BRCA2: variants seen among roughly 807,000 people sequenced by gnomAD.
BRCA2 encodes the protein breast cancer type 2 susceptibility protein.
In BRCA2, 203 loss-of-function variants were observed where a neutral mutation model predicts 276.7. The observed-to-expected ratio is 0.73, with a 90% CI of 0.65 to 0.82. The LOEUF is 0.82. BRCA2 is among the 40% of genes least tolerant of loss of function. The pLI, the probability that BRCA2 is intolerant of heterozygous loss-of-function variation, is 0.00. For missense variants in BRCA2, 3,920 were observed against 3,915.0 expected (o/e 1.00, Z -0.03); for synonymous variants, 1,289 against 1,338.4 (o/e 0.96, Z 0.81).
Position 32,379,849 on chromosome 13 carries a change from GTA to G in BRCA2, c.9054_9055del (p.Ser3018ArgfsTer3), listed in dbSNP as rs80359743. 2.5e-6 allele frequency: 4 copies of G among 1,613,660 alleles called. No individual in the cohort carries two copies. The highest frequency in any genetic ancestry group is 1.3e-5 in the African/African-American group (1 of 74,948). On this transcript the variant is annotated frameshift_variant, in exon 23 of 27. Transcript: ENST00000380152. LOFTEE classifies it high-confidence loss of function. Reference sequence around the variant, plus strand: ...CATCTTGCAACTTCAAAATCTAAAAGTAAATCTGAAAGAGCTAACATACAGTT... The same window carrying G: ...CATCTTGCAACTTCAAAATCTAAAAGAATCTGAAAGAGCTAACATACAGTT...
At chr13:32,347,237 A>G (rs2072618058) in intron 13 of BRCA2, among the ~76,000 whole-genome samples, 1 of 152,170 alleles carries the variant, frequency 6.6e-6, no homozygotes. Flanking sequence ...AACCTTTAAA[A>G]AAGTACTAAG....
At position 32,340,497 on chromosome 13, in the gene BRCA2, A is replaced by G; in HGVS notation, c.6142A>G (p.Asn2048Asp). The change falls in exon 11 of 27, where the codon AAT becomes GAT. Residue 2048 changes from asparagine to aspartate, a missense_variant. Physicochemically the swap from Asn to Asp is conservative, Grantham distance 23. This residue lies in a region of BRCA2 where 3,263 missense variants were observed against 3,156.9 expected (regional missense o/e 1.03). Coordinates refer to ENST00000380152, the MANE Select transcript of BRCA2 (RefSeq NM_000059.4). Reference sequence around the variant, plus strand: ...AATATCCCAAAAAGGCTTTTCATATAATGTGGTAAATTCATCTGCTTTCTC... The same window carrying G: ...AATATCCCAAAAAGGCTTTTCATATGATGTGGTAAATTCATCTGCTTTCTC... ...HLISQKGFSY[N>D]VVNSSAFSGF... is the part of the protein sequence containing the mutation. The G allele has an allele frequency of 6.2e-7, 1 of 1,613,676 alleles. No homozygotes were observed. Among genetic ancestry groups the G allele is most frequent in the Non-Finnish European group, 8.5e-7 (1 of 1,179,786 alleles).
At chr13:32,362,062 G>T (rs552462305) in intron 16 of BRCA2, among the ~76,000 whole-genome samples, 3 of 152,042 alleles carry the variant, frequency 2.0e-5, no homozygotes, top group Non-Finnish European at 2.9e-5. Context: ...TCTCACTCTT[G>T]TCCAGGCTGG....
intron 16 of BRCA2, among the ~76,000 whole-genome samples, chr13:32,361,197 G>A (rs2072735514): frequency 6.6e-6 from 1 of 152,218 alleles, no homozygotes; most frequent in African/African-American, 2.4e-5. Flanking sequence ...AATGCAGAAT[G>A]GGGTGTTGCA....
At chr13:32,331,784 A>G (rs1181800485) in intron 9 of BRCA2, among the ~76,000 whole-genome samples, 2 of 151,896 alleles carry the variant, frequency 1.3e-5, no homozygotes, top group Admixed American at 6.6e-5. Flanking sequence ...GTCATGGAAT[A>G]TTGCATTTTT....
chr13:32,395,562 T>C (rs74849726), intron 25 of BRCA2, among the ~76,000 whole-genome samples: 19 of 152,286 alleles, frequency 1.2e-4, no homozygotes, highest in African/African-American at 4.6e-4. Context: ...TGGCTTGCCT[T>C]AGGTCAAATG....
chr13:32,333,222 A>C lies in BRCA2; in HGVS notation c.1744A>C (p.Thr582Pro), dbSNP rs80358457. The C allele has an allele frequency of 9.9e-5, 159 of 1,613,026 alleles. 1 individual carries two copies. The East Asian group carries it at 3.5e-3, about 35-fold the overall frequency. Residue 582 changes from threonine (T) to proline (P), a missense_variant, in exon 10 of 27, where the codon ACT becomes CCT. Transcript: ENST00000380152. ...VALKNAGLIS[T>P]LKKKTNKFIY... ...TTTGAAGAATGCAGGTTTAATATCC[A>C]CTTTGAAAAAGAAAACAAATAAGTT...
chr13:32,392,488 C>T (rs1187080302), intron 24 of BRCA2, among the ~76,000 whole-genome samples: 1 of 151,892 alleles, frequency 6.6e-6, no homozygotes, highest in Non-Finnish European at 1.5e-5. Context: ...GAGTTCAAGA[C>T]CAGCCTGGCC....
chr13:32,375,492 G>T, intron 20 of BRCA2: 1 of 337,334 alleles, frequency 3.0e-6, no homozygotes, highest in African/African-American at 2.1e-5. Flanking sequence ...CTTTCTGGAA[G>T]GTTTTCAATT....
intron 13 of BRCA2, among the ~76,000 whole-genome samples, chr13:32,347,444 A>G (rs1329385408): frequency 6.6e-6 from 1 of 152,182 alleles, no homozygotes; most frequent in African/African-American, 2.4e-5. Context: ...GTGAAGTAGA[A>G]AATAGGAAGA....
intron 25 of BRCA2, 106 bp downstream of exon 25, chr13:32,395,039 G>A (rs2137655233): frequency 6.7e-7 from 1 of 1,485,516 alleles, no homozygotes. Flanking sequence ...GAGGTAGTAT[G>A]TGAGGTAAAG....
At chr13:32,385,316 G>C (rs749134032) in intron 24 of BRCA2, 22 of 213,564 alleles carry the variant, frequency 1.0e-4, no homozygotes, top group Non-Finnish European at 1.9e-4. Flanking sequence ...GATAGATATA[G>C]TAAGGTTCTT....
Position 32,354,957 on chromosome 13 carries a change from G to A in BRCA2, c.7104G>A (p.Leu2368=), listed in dbSNP as rs764698623. The change falls in exon 14 of 27, where the codon TTG becomes TTA. Residue 2368 remains leucine (L), a synonymous_variant. Coordinates refer to ENST00000380152, the MANE Select transcript of BRCA2 (RefSeq NM_000059.4). The part of the protein sequence containing the change: ...SKSHLYEHLT[L]EKSSSNLAVS... Reference sequence around the variant, plus strand: ...CTCATTTGTATGAACATCTGACTTTGGAAAAATCTTCAAGCAATTTAGCAG... The same window carrying A: ...CTCATTTGTATGAACATCTGACTTTAGAAAAATCTTCAAGCAATTTAGCAG... The A allele has an allele frequency of 6.2e-6, 10 of 1,613,544 alleles. No homozygotes were observed. In the South Asian group the frequency reaches 9.9e-5, roughly 16 times the overall value.
At chr13:32,396,756 T>C in intron 25 of BRCA2, 142 bp from the exon 26 acceptor site, 1 of 1,031,964 alleles carries the variant, frequency 9.7e-7, no homozygotes. Flanking sequence ...CATCGGCATG[T>C]TTGACAATTG....
In BRCA2 at chr13:32,346,836, A is replaced by G. The variant is rs1407242741; in HGVS notation, c.6947A>G (p.Lys2316Arg). ...AATAATTGTTTCCTAGGCACAATAAAAGATCGAAGATTGTTTATGCATCAT... is the reference window on the plus strand; with the variant it reads ...AATAATTGTTTCCTAGGCACAATAAGAGATCGAAGATTGTTTATGCATCAT... ...ASKSTPDGTI[K>R]DRRLFMHHVS... The change falls in exon 13 of 27, where the codon AAA becomes AGA. Residue 2316 changes from lysine to arginine, a missense_variant. Lys to Arg is a conservative substitution (Grantham distance 26). Transcript: ENST00000380152. 2 of 1,607,226 alleles carry G rather than the reference A, an allele frequency of 1.2e-6. No homozygotes were observed. Among genetic ancestry groups the G allele is most frequent in the Non-Finnish European group, 1.7e-6 (2 of 1,175,746 alleles).
At chr13:32,329,686 A>T (rs754562314) in intron 8 of BRCA2, among the ~76,000 whole-genome samples, 194 bp downstream of exon 8, 1 of 152,130 alleles carries the variant, frequency 6.6e-6, no homozygotes, top group African/African-American at 2.4e-5. Flanking sequence ...AAAGTTGCAT[A>T]TATACAATAT....
At chr13:32,352,214 A>AT (rs549532857) in intron 13 of BRCA2, among the ~76,000 whole-genome samples, 45 of 150,928 alleles carry the variant, frequency 3.0e-4, no homozygotes, top group African/African-American at 5.3e-4. Context: ...AAGCCAGGTG[A>AT]TTTTTTTTTC....
chr13:32,361,954 A>AT (rs983296409), intron 16 of BRCA2, among the ~76,000 whole-genome samples: 1 of 152,220 alleles, frequency 6.6e-6, no homozygotes, highest in African/African-American at 2.4e-5. Context: ...ATTATTTAAA[A>AT]TCAAGGATCT....
chr13:32,344,737 C>G (rs981635142), intron 12 of BRCA2, 84 bp downstream of exon 12: 1 of 967,424 alleles, frequency 1.0e-6, no homozygotes, highest in Non-Finnish European at 1.6e-6. Context: ...CCACCTGCCT[C>G]TCAAAGTGCT....
Sources: gnomAD v4.1 joint callset for allele counts (sites outside exome capture counted in the v4.1 genomes callset) on GRCh38, gnomAD v4.1.1 for gene constraint, gnomAD v4.1.1 regional missense constraint, MANE v1.5 for transcripts, NCBI Gene and HGNC (gene_info 2026-07-23, HGNC 2026-07-21) for gene names.